The following GARRE1 variants were observed in gnomAD, a reference collection of about 807,000 sequenced individuals.
GARRE1 encodes the protein granule associated Rac and RHOG effector protein 1.
A neutral mutation model predicts 103.2 loss-of-function variants in GARRE1; 49 were observed. The observed-to-expected ratio is 0.47, with a 90% CI of 0.38 to 0.60. The LOEUF (loss-of-function observed/expected upper bound fraction) is 0.60, where lower values mean the gene tolerates loss of function less well. GARRE1 is among the 20% of genes least tolerant of loss of function. The pLI is 0.00. For missense variants in GARRE1, 1,199 were observed against 1,370.5 expected (o/e 0.87, Z 1.98); for synonymous variants, 505 against 532.8 (o/e 0.95, Z 0.72).
chr19:34,322,233 G>A (rs552772061), intron 3 of GARRE1, among the ~76,000 whole-genome samples: 2 of 152,222 alleles, frequency 1.3e-5, no homozygotes, highest in African/African-American at 2.4e-5. Flanking sequence ...GTATAATGGC[G>A]TGATCTTGGC....
chr19:34,294,793 C>T (rs2073938502), intron 1 of GARRE1, among the ~76,000 whole-genome samples: 1 of 152,180 alleles, frequency 6.6e-6, no homozygotes, highest in Admixed American at 6.5e-5. Flanking sequence ...CATGCCTCAA[C>T]TGCCTGAGTA....
chr19:34,347,348 C>A lies in GARRE1; in HGVS notation c.2522-529C>A, dbSNP rs1483526362. Among the ~76,000 whole-genome samples the A allele has an allele frequency of 2.0e-5, 3 of 152,138 alleles. No individual in the cohort carries two copies. The East Asian group carries it at 5.8e-4, about 29-fold the overall frequency. On this transcript the variant is annotated intron_variant, in intron 10 of 13. Transcript: ENST00000299505. The stretch of plus-strand genomic sequence containing the variant: ...CTCGTGATCCACCCACCTCAGCCTC[C>A]CAAAGTGCTGGGATTACAGGCGTGA...
chr19:34,296,364 T>C, intron 1 of GARRE1: 1 of 1,305,728 alleles, frequency 7.7e-7, no homozygotes, highest in South Asian at 1.2e-5. Context: ...GCTGATTTGA[T>C]CCTTGGCCTT....
chr19:34,333,635 T>C, intron 7 of GARRE1, 69 bp from the exon 8 acceptor site: 1 of 967,844 alleles, frequency 1.0e-6, no homozygotes, highest in Non-Finnish European at 1.6e-6. Flanking sequence ...TGTATTGGAT[T>C]TTATTCTGAT....
chr19:34,349,180 G>C lies in GARRE1; in HGVS notation c.2825+27G>C, dbSNP rs751743722. ...TATGAAGGGATTTCTAAACCAAGGT[G>C]GGGAGAGAAGGGCATGTGAATGCAA... On this transcript the variant is annotated intron_variant, in intron 12 of 13. Transcript: ENST00000299505. The C allele has an allele frequency of 2.5e-6, 4 of 1,608,244 alleles. No individual in the cohort carries two copies. In the African/African-American group the frequency reaches 4.0e-5, roughly 16 times the overall value.
At chr19:34,255,118 G>A (rs1475224691) in intron 1 of GARRE1, among the ~76,000 whole-genome samples, 1 of 152,058 alleles carries the variant, frequency 6.6e-6, no homozygotes, top group African/African-American at 2.4e-5. Context: ...CTTCCCGGCG[G>A]CGCCAGGCTG....
At chr19:34,299,283 T>G (rs1164862398) in intron 1 of GARRE1, among the ~76,000 whole-genome samples, 1 of 152,208 alleles carries the variant, frequency 6.6e-6, no homozygotes, top group East Asian at 1.9e-4. Context: ...CCTTTGCTGA[T>G]GCCCCATAAA....
intron 2 of GARRE1, among the ~76,000 whole-genome samples, chr19:34,304,853 G>A (rs768800342): frequency 2.0e-5 from 3 of 151,338 alleles, no homozygotes; most frequent in South Asian, 2.1e-4. Flanking sequence ...GTGCAGTGGC[G>A]TGATCTCGGC....
chr19:34,262,344 G>A (rs1344477570), intron 1 of GARRE1, among the ~76,000 whole-genome samples: 1 of 129,094 alleles, frequency 7.7e-6, no homozygotes, highest in African/African-American at 2.9e-5. Flanking sequence ...CACCCAGGCT[G>A]GAATGCAGTA....
intron 10 of GARRE1, among the ~76,000 whole-genome samples, chr19:34,344,839 A>G (rs1464913272): frequency 1.5e-5 from 2 of 131,158 alleles, no homozygotes; most frequent in South Asian, 2.6e-4. Context: ...ACACCCAGCT[A>G]ATTTTTTTTT....
At chr19:34,318,810 G>A (rs896826823) in intron 2 of GARRE1, among the ~76,000 whole-genome samples, 1 of 152,172 alleles carries the variant, frequency 6.6e-6, no homozygotes, top group Non-Finnish European at 1.5e-5. Context: ...GGGAGGCCGA[G>A]GCAGGTGGAT....
chr19:34,294,443 GAAATA>G (rs545625469), intron 1 of GARRE1, among the ~76,000 whole-genome samples: 66 of 151,560 alleles, frequency 4.4e-4, no homozygotes, highest in African/African-American at 1.6e-3. Context: ...AAAAAAAAGT[GAAATA>G]AAATAAAAAA....
Position 34,281,786 on chromosome 19 carries a change from T to C in GARRE1, c.-795-17893T>C, listed in dbSNP as rs1461897996. On this transcript the variant is annotated intron_variant, in intron 1 of 13. Transcript: ENST00000299505. ...TGTGCCACTAATTTGGTAAATAATA[T>C]AGATTCATTTGTCTTTTGTTTCATT... 3.9e-5 allele frequency among the ~76,000 whole-genome samples: 6 copies of C among 152,240 alleles called. No homozygotes were observed. The East Asian group carries it at 7.7e-4, about 20-fold the overall frequency.
chr19:34,290,989 C>G (rs1286784586), intron 1 of GARRE1, among the ~76,000 whole-genome samples: 4 of 136,628 alleles, frequency 2.9e-5, no homozygotes, highest in South Asian at 2.4e-4. Context: ...TCACTGCAAC[C>G]TCCGCCTCCC....
Position 34,341,931 on chromosome 19 carries a change from C to G in GARRE1, c.1997C>G (p.Pro666Arg), listed in dbSNP as rs746148882. The change falls in exon 10 of 14, where the codon CCG becomes CGG. Residue 666 changes from proline (P) to arginine (R), a missense_variant. Pro to Arg is a moderately radical substitution (Grantham distance 103). Transcript: ENST00000299505. Reference sequence around the variant, plus strand: ...ATGGGCCAGTCACATCAGGGCTCTCCGTTGGTGACAAGGCATAATTCTGCT... The same window carrying G: ...ATGGGCCAGTCACATCAGGGCTCTCGGTTGGTGACAAGGCATAATTCTGCT... ...FNMGQSHQGS[P>R]LVTRHNSAAT... is the part of the protein sequence containing the mutation. The G allele has an allele frequency of 3.1e-6, 5 of 1,614,174 alleles. No homozygotes were observed. The highest frequency in any genetic ancestry group is 1.1e-5 in the South Asian group (1 of 91,080).
intron 2 of GARRE1, among the ~76,000 whole-genome samples, chr19:34,310,667 G>A (rs917233892): frequency 1.1e-4 from 16 of 152,210 alleles, no homozygotes; most frequent in Non-Finnish European, 2.4e-4. Flanking sequence ...CAGATGACAA[G>A]GACAATAAAA....
intron 1 of GARRE1, among the ~76,000 whole-genome samples, chr19:34,279,000 A>G (rs1265730646): frequency 6.6e-6 from 1 of 152,136 alleles, no homozygotes; most frequent in South Asian, 2.1e-4. Flanking sequence ...ATAATAGTCC[A>G]TTGTATGGAT....
intron 2 of GARRE1, among the ~76,000 whole-genome samples, chr19:34,304,523 G>A (rs149872842): frequency 0.034 from 5,140 of 151,000 alleles, 146 homozygotes; most frequent in Admixed American, 0.087. Flanking sequence ...CTGCAGGCAC[G>A]TGCCACCACA....
In GARRE1 at chr19:34,354,298, A is replaced by G. The variant is rs1472944745; in HGVS notation, c.*1343A>G. On this transcript the variant is annotated 3_prime_UTR_variant, in exon 14 of 14. Transcript: ENST00000299505. ...AATGGTTTATTCTTTCTAACTCCAT[A>G]TAAGCTTTTCCAGCAAAGATTGTAA... 6.6e-6 allele frequency: 1 copy of G among 152,224 alleles called. No homozygotes were observed. Among genetic ancestry groups the G allele is most frequent in the African/African-American group, 2.4e-5 (1 of 41,452 alleles). The allele number at this position is 152,224 out of a possible 1,614,324, so 9.4% of individuals were successfully genotyped here.
Sources: allele counts gnomAD v4.1 joint callset (sites outside exome capture counted in the v4.1 genomes callset), GRCh38; gene constraint gnomAD v4.1.1; transcripts MANE v1.5; gene names NCBI Gene and HGNC (gene_info 2026-07-23, HGNC 2026-07-21).